Variants in RANBP2 observed in about 807,000 individuals in gnomAD.
RANBP2 encodes E3 SUMO-protein ligase RanBP2.
Under a neutral mutation model 303.6 loss-of-function variants are expected in RANBP2, and 57 were observed. The ratio of observed to expected loss-of-function variants is 0.19; its 90% CI spans 0.15 to 0.23. RANBP2 has a LOEUF of 0.23. Among genes scored for constraint, RANBP2 ranks in the 10% least tolerant of loss-of-function variants. RANBP2 has a pLI of 1.00. For synonymous variants in RANBP2, 1,167 were observed against 1,301.5 expected (o/e 0.90, Z 2.23); for missense variants, 3,138 against 3,780.8 (o/e 0.83, Z 4.46).
At chr2:108,979,808 G>T in the RANBP2 span, among the ~76,000 whole-genome samples, 1 of 152,126 alleles carries the variant, frequency 6.6e-6, no homozygotes, top group Non-Finnish European at 1.5e-5. Context: ...TCTTCACTTT[G>T]GCCATCTGAC....
the RANBP2 span, among the ~76,000 whole-genome samples, chr2:109,523,042 T>C: frequency 6.6e-6 from 1 of 152,296 alleles, no homozygotes; most frequent in African/African-American, 2.4e-5. Flanking sequence ...CTGTAACTGG[T>C]CTACCCCTCG....
the RANBP2 span, among the ~76,000 whole-genome samples, chr2:109,499,271 T>C: frequency 5.1e-3 from 778 of 152,080 alleles, 7 homozygotes; most frequent in African/African-American, 0.018. Context: ...TGCTGGTTAT[T>C]GAGTGCCTTC....
At chr2:109,224,914 C>G in the RANBP2 span, among the ~76,000 whole-genome samples, 1 of 152,124 alleles carries the variant, frequency 6.6e-6, no homozygotes, top group Non-Finnish European at 1.5e-5. Flanking sequence ...AAATAATTAC[C>G]TGTGGCTAGT....
chr2:109,741,177 C>A, the RANBP2 span, among the ~76,000 whole-genome samples: 3 of 116,178 alleles, frequency 2.6e-5, no homozygotes, highest in African/African-American at 1.0e-4. Flanking sequence ...TAACTCAAGC[C>A]TAACAAAGTT....
the RANBP2 span, chr2:108,895,162 A>ATGAT: frequency 6.6e-6 from 1 of 152,640 alleles, no homozygotes; most frequent in Admixed American, 6.5e-5. Flanking sequence ...GACACAGTAA[A>ATGAT]TGATGATATT....
chr2:109,148,852 A>T, the RANBP2 span, among the ~76,000 whole-genome samples: 8 of 151,672 alleles, frequency 5.3e-5, no homozygotes, highest in East Asian at 9.7e-4. Context: ...GTTTTTTTTT[A>T]AAAAGTATTT....
chr2:109,276,718 T>C, the RANBP2 span, among the ~76,000 whole-genome samples: 1 of 152,332 alleles, frequency 6.6e-6, no homozygotes, highest in Admixed American at 6.5e-5. Context: ...TAAATCACAT[T>C]ATTCCAGCTT....
the RANBP2 span, among the ~76,000 whole-genome samples, chr2:109,492,989 C>G: frequency 6.6e-6 from 1 of 151,988 alleles, no homozygotes; most frequent in South Asian, 2.1e-4. Context: ...TCACACTGCA[C>G]ACCACACTGT....
the RANBP2 span, among the ~76,000 whole-genome samples, chr2:109,679,943 A>C: frequency 1.5e-4 from 23 of 152,322 alleles, no homozygotes; most frequent in Middle Eastern, 6.8e-3. Context: ...CACCCTGCCC[A>C]TCTTGTGAGC....
At chr2:109,062,167 A>C in the RANBP2 span, among the ~76,000 whole-genome samples, 3 of 152,220 alleles carry the variant, frequency 2.0e-5, no homozygotes, top group Non-Finnish European at 4.4e-5. Context: ...AAAAGTTATC[A>C]GGCAAGGAAA....
At chr2:108,807,731 C>T in the RANBP2 span, among the ~76,000 whole-genome samples, 1 of 152,158 alleles carries the variant, frequency 6.6e-6, no homozygotes, top group African/African-American at 2.4e-5. Flanking sequence ...GATTCTCCTG[C>T]CTCAGCCTCC....
At chr2:109,464,438 C>T in the RANBP2 span, among the ~76,000 whole-genome samples, 11 of 152,214 alleles carry the variant, frequency 7.2e-5, no homozygotes, top group South Asian at 2.1e-4. Context: ...TACACACATT[C>T]GCGTACATAT....
chr2:109,006,440 C>G, the RANBP2 span, among the ~76,000 whole-genome samples: 1 of 152,008 alleles, frequency 6.6e-6, no homozygotes, highest in African/African-American at 2.4e-5. Flanking sequence ...ATGATCCGCC[C>G]GCCTCGGCCT....
the RANBP2 span, among the ~76,000 whole-genome samples, chr2:108,862,788 C>T: frequency 4.6e-5 from 7 of 151,976 alleles, no homozygotes; most frequent in African/African-American, 9.7e-5. Flanking sequence ...TTGATGTTGG[C>T]CACCTTTTGT....
the RANBP2 span, among the ~76,000 whole-genome samples, chr2:108,968,216 C>T: frequency 7.4e-4 from 112 of 152,224 alleles, no homozygotes; most frequent in Non-Finnish European, 1.3e-3. Context: ...GCATCAGCAT[C>T]GCCAGAGAGC....
At chr2:108,769,012 T>C (rs1677306911) in intron 20 of RANBP2, among the ~76,000 whole-genome samples, 1 of 151,246 alleles carries the variant, frequency 6.6e-6, no homozygotes, top group African/African-American at 2.4e-5. Context: ...CCAGCCTGAC[T>C]GAGTGACTGA....
At chr2:109,315,959 T>C in the RANBP2 span, among the ~76,000 whole-genome samples, 8 of 152,340 alleles carry the variant, frequency 5.3e-5, no homozygotes, top group African/African-American at 1.7e-4. Flanking sequence ...TTGAGATGCA[T>C]TAGCAGAAGT....
At chr2:109,363,871 G>A in the RANBP2 span, among the ~76,000 whole-genome samples, 177 of 152,136 alleles carry the variant, frequency 1.2e-3, no homozygotes, top group Non-Finnish European at 1.7e-3. Context: ...TTTCCCCTCT[G>A]ACTTCTTTCA....
chr2:109,580,647 TGTCTTC>T, the RANBP2 span, among the ~76,000 whole-genome samples: 1 of 152,320 alleles, frequency 6.6e-6, no homozygotes, highest in African/African-American at 2.4e-5. Context: ...AAATAAAGCC[TGTCTTC>T]AGTCATGATA....
Sources: gnomAD v4.1 joint callset for allele counts (sites outside exome capture counted in the v4.1 genomes callset) on GRCh38, gnomAD v4.1.1 for gene constraint, MANE v1.5 for transcripts, NCBI Gene and HGNC (gene_info 2026-07-23, HGNC 2026-07-21) for gene names.